The following EGFR variants were observed in gnomAD, a reference collection of about 807,000 sequenced individuals.
EGFR encodes the protein epidermal growth factor receptor.
EGFR carries 58 observed loss-of-function variants against 143.0 expected under a neutral mutation model. That is an observed-to-expected ratio of 0.41 (90% confidence interval 0.33 to 0.50). The LOEUF (loss-of-function observed/expected upper bound fraction) is 0.50, where lower values mean the gene tolerates loss of function less well. Ranked by LOEUF, EGFR falls within the 20% of genes least tolerant of loss-of-function variation. EGFR has a pLI of 0.39. For synonymous variants in EGFR, 613 were observed against 594.4 expected, an observed-to-expected ratio of 1.03 and a Z score of -0.45; for missense variants, 1,307 against 1,579.0, an observed-to-expected ratio of 0.83 and a Z score of 2.92.
At chr7:55,193,649 A>C (rs2740762) in intron 22 of EGFR, among the ~76,000 whole-genome samples, 133,121 of 152,224 alleles carry the variant, frequency 0.87, 58,461 homozygotes, top group African/African-American at 0.94. Context: ...TGAGGAAAAT[A>C]AGTTACCCCA....
chr7:55,171,295 C>T, intron 16 of EGFR, 82 bp downstream of exon 16: 3 of 1,571,184 alleles, frequency 1.9e-6, no homozygotes, highest in Non-Finnish European at 2.6e-6. Flanking sequence ...TCCTGCATTT[C>T]TGACTGTCCT....
chr7:55,175,595 G>A (rs1786559581), intron 19 of EGFR, among the ~76,000 whole-genome samples: 1 of 152,220 alleles, frequency 6.6e-6, no homozygotes, highest in African/African-American at 2.4e-5. Flanking sequence ...CACAGAGCAA[G>A]TGAAAGAGGA....
In EGFR at chr7:55,198,867, A is replaced by G. The variant is rs1787731766; in HGVS notation, c.2848+4A>G. The G allele has an allele frequency of 1.2e-6, 2 of 1,613,976 alleles. No homozygotes were observed. On this transcript the variant is annotated splice_donor_region_variant and intron_variant, in intron 23 of 27. Coordinates refer to ENST00000275493, the MANE Select transcript of EGFR (RefSeq NM_005228.5). ...GTCTACATGATCATGGTCAAGTGTG[A>G]GTGACTGGTGGGTCTGTCCACACTG...
At chr7:55,169,495 A>T (rs1248516117) in intron 15 of EGFR, among the ~76,000 whole-genome samples, 1 of 152,120 alleles carries the variant, frequency 6.6e-6, no homozygotes, top group Non-Finnish European at 1.5e-5. Context: ...TAATATGAAA[A>T]TTTGCCTATT....
rs2128975089 is a variant in EGFR, at chr7:55,205,268, A to T, written c.3284A>T (p.Gln1095Leu). ...TTTCCACTTTCAGAATACATAAACCAGTCCGTTCCCAAAAGGCCCGCTGGC... is the reference window on the plus strand; with the variant it reads ...TTTCCACTTTCAGAATACATAAACCTGTCCGTTCCCAAAAGGCCCGCTGGC... ...TFLPVPEYIN[Q>L]SVPKRPAGSV... The change falls in exon 28 of 28, where the codon CAG becomes CTG. Residue 1095 changes from glutamine to leucine, a missense_variant. By Grantham distance (113) the Gln-to-Leu change is moderately radical (BLOSUM62 -2). Coordinates refer to ENST00000275493, the MANE Select transcript of EGFR (RefSeq NM_005228.5). The T allele has an allele frequency of 6.2e-7, 1 of 1,613,506 alleles. No homozygotes were observed. Among genetic ancestry groups the T allele is most frequent in the South Asian group, 1.1e-5 (1 of 90,874 alleles).
intron 1 of EGFR, among the ~76,000 whole-genome samples, chr7:55,087,494 G>A (rs534062501): frequency 1.3e-5 from 2 of 152,282 alleles, no homozygotes; most frequent in African/African-American, 2.4e-5. Flanking sequence ...GAAGGGATAA[G>A]AGCCATGCTT....
At chr7:55,052,806 G>T (rs1472538016) in intron 1 of EGFR, among the ~76,000 whole-genome samples, 1 of 152,168 alleles carries the variant, frequency 6.6e-6, no homozygotes, top group Non-Finnish European at 1.5e-5. Context: ...CTGGCTTCTG[G>T]AGCACTGTAA....
intron 1 of EGFR, among the ~76,000 whole-genome samples, chr7:55,091,883 CA>C (rs1167059209): frequency 0.014 from 2,055 of 147,348 alleles, 28 homozygotes; most frequent in African/African-American, 0.038. Context: ...CACACACACA[CA>C]CACACACCCT....
rs929589373 is a variant in EGFR at position 55,209,691 on chromosome 7, G to C, written c.*4074G>C. 1.3e-5 allele frequency: 2 copies of C among 152,224 alleles called. No homozygotes were observed. Among genetic ancestry groups the C allele is most frequent in the East Asian group, 1.9e-4 (1 of 5,198 alleles). The allele number at this position is 152,224 out of a possible 1,614,324, so 9.4% of individuals were successfully genotyped here. A position where few individuals can be genotyped will look rare whatever the true frequency, so the allele number is the denominator to read the frequency against. ...ACCAGCCACACCTGCCATACCAGGG[G>C]TACAGCTTTGTACTATTGAAGACAC... On this transcript the variant is annotated 3_prime_UTR_variant, in exon 28 of 28. Transcript: ENST00000275493.
At chr7:55,035,541 C>T (rs996885737) in intron 1 of EGFR, among the ~76,000 whole-genome samples, 1 of 150,774 alleles carries the variant, frequency 6.6e-6, no homozygotes, top group African/African-American at 2.4e-5. Flanking sequence ...AAACTAGCCA[C>T]GCATGGTGGC....
chr7:55,166,350 G>C (rs756548076), intron 15 of EGFR: 9 of 564,652 alleles, frequency 1.6e-5, no homozygotes, highest in Admixed American at 8.2e-5. Flanking sequence ...GTTTGGAACT[G>C]TTACTCATTC....
chr7:55,196,023 T>G (rs1161624122), intron 22 of EGFR, among the ~76,000 whole-genome samples: 1 of 152,032 alleles, frequency 6.6e-6, no homozygotes, highest in Non-Finnish European at 1.5e-5. Context: ...TTATATTCCT[T>G]TGAGTAATGG....
Position 55,206,720 on chromosome 7 carries a change from A to G in EGFR, c.*1103A>G, listed in dbSNP as rs574310057. 4.7e-5 allele frequency: 11 copies of G among 233,206 alleles called. No individual in the cohort carries two copies. In the South Asian group the frequency reaches 1.5e-3, roughly 31 times the overall value. 14.4% of individuals were successfully genotyped at this position (233,206 alleles called of 1,614,324 possible). A position where few individuals can be genotyped will look rare whatever the true frequency, so the allele number is the denominator to read the frequency against. ...AGTTTTCTCCTTTTACTTCACTTCA[A>G]AAGCTTTTTACTCAAAGAGTATATG... On this transcript the variant is annotated 3_prime_UTR_variant, in exon 28 of 28. Coordinates refer to ENST00000275493, the MANE Select transcript of EGFR (RefSeq NM_005228.5).
intron 1 of EGFR, among the ~76,000 whole-genome samples, chr7:55,061,637 TGTGTGTGTGTGTGA>T (rs1209913727): frequency 7.3e-6 from 1 of 137,720 alleles, no homozygotes; most frequent in African/African-American, 2.7e-5. Flanking sequence ...TGTGTGTGTG[TGTGTGTGTGTGTGA>T]GAGAGAGAGA....
At chr7:55,150,813 T>C (rs576047182) in intron 4 of EGFR, among the ~76,000 whole-genome samples, 1 of 152,344 alleles carries the variant, frequency 6.6e-6, no homozygotes, top group African/African-American at 2.4e-5. Context: ...TCTGTGCTTC[T>C]CTCTGGTTTG....
intron 1 of EGFR, among the ~76,000 whole-genome samples, chr7:55,113,000 C>G (rs1242217140): frequency 2.0e-5 from 3 of 152,164 alleles, no homozygotes; most frequent in Non-Finnish European, 4.4e-5. Context: ...CTCAGAGTGA[C>G]CATATCATTT....
intron 1 of EGFR, among the ~76,000 whole-genome samples, chr7:55,101,139 G>C (rs563709841): frequency 1.2e-3 from 187 of 152,342 alleles, no homozygotes; most frequent in African/African-American, 4.4e-3. Flanking sequence ...ATGTGAACAA[G>C]GGGCCCGGGC....
At chr7:55,143,781 C>G (rs1278569052) in intron 3 of EGFR, among the ~76,000 whole-genome samples, 1 of 152,142 alleles carries the variant, frequency 6.6e-6, no homozygotes, top group Non-Finnish European at 1.5e-5. Context: ...TATGACCAAA[C>G]AAGCTGAGCA....
chr7:55,068,634 A>G (rs1404907730), intron 1 of EGFR, among the ~76,000 whole-genome samples: 1 of 152,192 alleles, frequency 6.6e-6, no homozygotes, highest in African/African-American at 2.4e-5. Context: ...CCCTTACTGA[A>G]GCCGTTACCA....
Sources: gnomAD v4.1 joint callset for allele counts (sites outside exome capture counted in the v4.1 genomes callset) on GRCh38, gnomAD v4.1.1 for gene constraint, MANE v1.5 for transcripts, NCBI Gene and HGNC (gene_info 2026-07-23, HGNC 2026-07-21) for gene names.